Variants in IL1RAPL2 observed in about 807,000 individuals in gnomAD.
The protein encoded by IL1RAPL2 is interleukin 1 receptor accessory protein like 2.
Under a neutral mutation model 44.1 loss-of-function variants are expected in IL1RAPL2, and 3 were observed. The observed-to-expected ratio is 0.07, with a 90% CI of 0.03 to 0.18. IL1RAPL2 has a LOEUF of 0.18. Among genes scored for constraint, IL1RAPL2 ranks in the 10% least tolerant of loss-of-function variants. The probability of loss-of-function intolerance (pLI) is 1.00; values close to 1 mark genes in which losing one functional copy is unlikely to be tolerated. For missense variants in IL1RAPL2, 391 were observed against 496.4 expected (o/e 0.79, Z 2.02); for synonymous variants, 181 against 178.8 (o/e 1.01, Z -0.10).
chrX:105,566,839 T>C (rs943035135), intron 6 of IL1RAPL2, among the ~76,000 whole-genome samples: 8 of 110,587 alleles, frequency 7.2e-5, no homozygotes, highest in African/African-American at 2.6e-4. Context: ...AGGAGAGATA[T>C]GACAATCCTG....
intron 3 of IL1RAPL2, among the ~76,000 whole-genome samples, chrX:105,204,077 A>G (rs1328379405): frequency 9.0e-6 from 1 of 111,661 alleles, no homozygotes; most frequent in African/African-American, 3.3e-5. Flanking sequence ...TGGTATAGTC[A>G]TCTTAAAGTA....
At chrX:105,160,896 A>G (rs1190492398) in intron 2 of IL1RAPL2, among the ~76,000 whole-genome samples, 2 of 111,676 alleles carry the variant, frequency 1.8e-5, no homozygotes, top group Non-Finnish European at 3.8e-5. Context: ...AATATTTGCA[A>G]TGGTCCATCT....
chrX:105,515,020 G>A (rs1432107711), intron 6 of IL1RAPL2, among the ~76,000 whole-genome samples: 1 of 111,638 alleles, frequency 9.0e-6, no homozygotes, highest in Non-Finnish European at 1.9e-5. Flanking sequence ...CTATGAACAT[G>A]TCAGGAAGAA....
Position 105,339,964 on chromosome X carries a change from T to G in IL1RAPL2, c.697+72423T>G, listed in dbSNP as rs988642128. 2.7e-5 allele frequency among the ~76,000 whole-genome samples: 3 copies of G among 111,852 alleles called. No individual in the cohort carries two copies. The East Asian group carries it at 8.4e-4, about 31-fold the overall frequency. On this transcript the variant is annotated intron_variant, in intron 5 of 10. Transcript: ENST00000372582. ...TCAGTTTGACTTGGTGTGCACATTA[T>G]TATCACTTTGGAGTGCCCAGGCTTA...
chrX:105,115,227 G>A (rs1018184946), intron 2 of IL1RAPL2, among the ~76,000 whole-genome samples: 10 of 111,721 alleles, frequency 9.0e-5, no homozygotes, highest in African/African-American at 3.3e-4. Flanking sequence ...CGTGGTGAGT[G>A]TTACAGCTCA....
chrX:105,645,891 A>G, intron 6 of IL1RAPL2, among the ~76,000 whole-genome samples: 1 of 111,741 alleles, frequency 8.9e-6, no homozygotes, highest in Non-Finnish European at 1.9e-5. Flanking sequence ...GATCATTATT[A>G]CAGTTGTGCT....
intron 5 of IL1RAPL2, among the ~76,000 whole-genome samples, chrX:105,355,566 T>C (rs892909160): frequency 8.9e-6 from 1 of 111,846 alleles, no homozygotes; most frequent in African/African-American, 3.3e-5. Context: ...AACTAGACTA[T>C]ATGAACCATG....
At chrX:104,714,482 C>T (rs981395513) in intron 2 of IL1RAPL2, among the ~76,000 whole-genome samples, 1 of 110,889 alleles carries the variant, frequency 9.0e-6, no homozygotes, top group Non-Finnish European at 1.9e-5. Context: ...CTTCCTTCGG[C>T]TCTCATTCCA....
At chrX:104,919,068 G>T (rs987901116) in intron 2 of IL1RAPL2, among the ~76,000 whole-genome samples, 5 of 111,080 alleles carry the variant, frequency 4.5e-5, no homozygotes, top group African/African-American at 1.6e-4. Flanking sequence ...CTAGATCTAC[G>T]TATGTAACAT....
intron 2 of IL1RAPL2, among the ~76,000 whole-genome samples, chrX:104,866,396 A>C (rs765612193): frequency 8.9e-6 from 1 of 112,581 alleles, no homozygotes; most frequent in East Asian, 2.8e-4. Context: ...AGAGTAAAGT[A>C]CTTTTTTTAT....
intron 2 of IL1RAPL2, among the ~76,000 whole-genome samples, chrX:105,030,186 C>T (rs9698396): frequency 0.063 from 7,008 of 110,995 alleles, 598 homozygotes; most frequent in African/African-American, 0.22. Context: ...TTTCTCCCAT[C>T]CTGTAAGTTG....
At chrX:105,303,970 G>A (rs141736741) in intron 5 of IL1RAPL2, among the ~76,000 whole-genome samples, 138 of 112,630 alleles carry the variant, frequency 1.2e-3, no homozygotes, top group African/African-American at 4.2e-3. Flanking sequence ...CCATTTCTCT[G>A]CTGCAAGCAA....
intron 2 of IL1RAPL2, among the ~76,000 whole-genome samples, chrX:104,803,656 A>T (rs1166261772): frequency 8.9e-6 from 1 of 112,410 alleles, no homozygotes; most frequent in Non-Finnish European, 1.9e-5. Context: ...CTGTTTCCCC[A>T]GGCCAATCAG....
intron 2 of IL1RAPL2, among the ~76,000 whole-genome samples, chrX:105,022,901 G>A (rs1199477965): frequency 1.8e-5 from 2 of 110,798 alleles, no homozygotes; most frequent in African/African-American, 3.3e-5. Flanking sequence ...GTTTAAGATC[G>A]GAAGATTCTA....
intron 5 of IL1RAPL2, among the ~76,000 whole-genome samples, chrX:105,443,596 TATG>T (rs1227902237): frequency 8.9e-6 from 1 of 112,205 alleles, no homozygotes; most frequent in Non-Finnish European, 1.9e-5. Context: ...GAGTGGAACA[TATG>T]GTGTTTGTGT....
At chrX:105,166,011 C>G (rs1221678362) in intron 2 of IL1RAPL2, among the ~76,000 whole-genome samples, 1 of 111,776 alleles carries the variant, frequency 8.9e-6, no homozygotes, top group Non-Finnish European at 1.9e-5. Flanking sequence ...AATATTGGCT[C>G]TCACACTTAC....
chrX:105,441,548 C>T (rs375087422), intron 5 of IL1RAPL2, among the ~76,000 whole-genome samples: 440 of 111,956 alleles, frequency 3.9e-3, no homozygotes, highest in Middle Eastern at 0.014. Context: ...GGACTCTCAA[C>T]ATTTCTAATA....
At chrX:105,418,955 TAGC>T (rs2035753875) in intron 5 of IL1RAPL2, among the ~76,000 whole-genome samples, 3 of 112,185 alleles carry the variant, frequency 2.7e-5, no homozygotes, top group Admixed American at 1.9e-4. Context: ...CTGCAAACAT[TAGC>T]AGTTTCCTTA....
intron 2 of IL1RAPL2, among the ~76,000 whole-genome samples, chrX:105,040,523 G>T (rs1361586637): frequency 9.1e-6 from 1 of 110,358 alleles, no homozygotes; most frequent in African/African-American, 3.4e-5. Context: ...GACTCCTTTT[G>T]GTTGGTAAGC....
Sources: gnomAD v4.1 joint callset for allele counts (sites outside exome capture counted in the v4.1 genomes callset) on GRCh38, gnomAD v4.1.1 for gene constraint, MANE v1.5 for transcripts, NCBI Gene and HGNC (gene_info 2026-07-23, HGNC 2026-07-21) for gene names.